Variants in ZFPM2 observed in about 807,000 individuals in gnomAD.
ZFPM2 encodes zinc finger protein ZFPM2.
In ZFPM2, 20 loss-of-function variants were observed where a neutral mutation model predicts 98.6. The observed-to-expected ratio is 0.20, with a 90% CI of 0.14 to 0.29. The LOEUF is 0.29. ZFPM2 is among the 10% of genes least tolerant of loss of function. ZFPM2 has a pLI of 1.00. For missense variants in ZFPM2, 1,310 were observed against 1,388.6 expected, an observed-to-expected ratio of 0.94 and a Z score of 0.90; for synonymous variants, 518 against 502.7, an observed-to-expected ratio of 1.03 and a Z score of -0.41.
chr8:105,756,877 G>A (rs187444596), intron 5 of ZFPM2, among the ~76,000 whole-genome samples: 3 of 152,242 alleles, frequency 2.0e-5, no homozygotes, highest in East Asian at 1.9e-4. Context: ...GACAGATGTC[G>A]GGTGCAGATG....
At chr8:105,471,559 T>C (rs530951394) in intron 3 of ZFPM2, among the ~76,000 whole-genome samples, 31 of 152,306 alleles carry the variant, frequency 2.0e-4, no homozygotes, top group African/African-American at 7.0e-4. Flanking sequence ...AGTCTGATCA[T>C]CAGAATGTAG....
chr8:105,388,904 C>T (rs1586336576), intron 1 of ZFPM2, among the ~76,000 whole-genome samples: 1 of 152,058 alleles, frequency 6.6e-6, no homozygotes, highest in East Asian at 1.9e-4. Context: ...CACTGATACA[C>T]TGTAGCAATA....
chr8:105,386,518 G>T (rs1810993094), intron 1 of ZFPM2, among the ~76,000 whole-genome samples: 1 of 152,070 alleles, frequency 6.6e-6, no homozygotes, highest in Admixed American at 6.5e-5. Flanking sequence ...GATGTGTTCA[G>T]CCTTCTGGTG....
chr8:105,413,847 A>C (rs1484782675), intron 1 of ZFPM2, among the ~76,000 whole-genome samples: 1 of 152,110 alleles, frequency 6.6e-6, no homozygotes, highest in Admixed American at 6.6e-5. Flanking sequence ...ATCTGATATT[A>C]AAATGATCCA....
chr8:105,761,971 G>A (rs955543982), intron 5 of ZFPM2, among the ~76,000 whole-genome samples: 7 of 151,868 alleles, frequency 4.6e-5, no homozygotes, highest in East Asian at 1.9e-4. Flanking sequence ...ATCAATAAAA[G>A]TTGCAGATTC....
At chr8:105,714,267 G>T (rs1811467665) in intron 5 of ZFPM2, among the ~76,000 whole-genome samples, 1 of 151,994 alleles carries the variant, frequency 6.6e-6, no homozygotes, top group Non-Finnish European at 1.5e-5. Context: ...CTCTCAGCTT[G>T]AACCTCATTG....
chr8:105,436,792 C>A (rs1812127944), intron 2 of ZFPM2, among the ~76,000 whole-genome samples: 1 of 152,118 alleles, frequency 6.6e-6, no homozygotes, highest in African/African-American at 2.4e-5. Context: ...TAATACATGG[C>A]AGATCTGTTG....
At chr8:105,482,960 C>T (rs1456495075) in intron 3 of ZFPM2, among the ~76,000 whole-genome samples, 1 of 119,376 alleles carries the variant, frequency 8.4e-6, no homozygotes, top group Non-Finnish European at 1.7e-5. Flanking sequence ...TTCCCTCCCT[C>T]CCTTATCTCC....
At chr8:105,728,564 A>T (rs952060873) in intron 5 of ZFPM2, among the ~76,000 whole-genome samples, 4 of 151,758 alleles carry the variant, frequency 2.6e-5, no homozygotes, top group African/African-American at 9.7e-5. Flanking sequence ...GGTCAAAGCG[A>T]ATACCCTGGA....
intron 1 of ZFPM2, among the ~76,000 whole-genome samples, chr8:105,373,547 G>C (rs887489646): frequency 1.3e-5 from 2 of 152,238 alleles, no homozygotes; most frequent in African/African-American, 4.8e-5. Context: ...TATGTAGGCA[G>C]AGTAAAAGAA....
At chr8:105,747,737 C>T (rs1812381440) in intron 5 of ZFPM2, among the ~76,000 whole-genome samples, 1 of 152,040 alleles carries the variant, frequency 6.6e-6, no homozygotes, top group Non-Finnish European at 1.5e-5. Context: ...ATGTAAATGT[C>T]TCTGTTAAAT....
At chr8:105,693,943 A>G (rs886198356) in intron 5 of ZFPM2, among the ~76,000 whole-genome samples, 3 of 143,642 alleles carry the variant, frequency 2.1e-5, no homozygotes, top group African/African-American at 7.9e-5. Flanking sequence ...AATATACAAT[A>G]TATTATCCAA....
intron 1 of ZFPM2, among the ~76,000 whole-genome samples, chr8:105,418,170 C>T (rs1234187584): frequency 3.3e-5 from 5 of 152,118 alleles, no homozygotes; most frequent in African/African-American, 1.2e-4. Context: ...GAGAGGCTGC[C>T]TGAGCTTTGA....
intron 1 of ZFPM2, among the ~76,000 whole-genome samples, chr8:105,379,753 CAAAAA>C (rs5893740): frequency 8.0e-6 from 1 of 125,698 alleles, no homozygotes; most frequent in Admixed American, 8.0e-5. Flanking sequence ...AACTCTGTCT[CAAAAA>C]AAAAAAAAAA....
At chr8:105,413,000 C>T (rs940268518) in intron 1 of ZFPM2, among the ~76,000 whole-genome samples, 3 of 151,846 alleles carry the variant, frequency 2.0e-5, no homozygotes, top group African/African-American at 7.3e-5. Context: ...AACGTTCCTA[C>T]TGCATAATTA....
intron 1 of ZFPM2, among the ~76,000 whole-genome samples, chr8:105,351,863 C>T (rs553011796): frequency 9.9e-5 from 15 of 151,738 alleles, no homozygotes; most frequent in Admixed American, 2.6e-4. Flanking sequence ...GCAAAACTTT[C>T]GATATTTAAT....
chr8:105,404,690 T>C (rs1757492778), intron 1 of ZFPM2, among the ~76,000 whole-genome samples: 1 of 152,092 alleles, frequency 6.6e-6, no homozygotes, highest in Non-Finnish European at 1.5e-5. Context: ...TTGAACTTTA[T>C]TCTCCACTTC....
intron 5 of ZFPM2, among the ~76,000 whole-genome samples, chr8:105,680,007 A>G (rs1810565579): frequency 6.6e-6 from 1 of 152,128 alleles, no homozygotes; most frequent in Admixed American, 6.5e-5. Context: ...TACATATAAT[A>G]TTTGATTTGT....
At chr8:105,443,210 G>A (rs1215929099) in intron 2 of ZFPM2, among the ~76,000 whole-genome samples, 1 of 151,640 alleles carries the variant, frequency 6.6e-6, no homozygotes, top group African/African-American at 2.4e-5. Flanking sequence ...TTGGGAGGCT[G>A]AGGCAGGAGA....
Sources: gnomAD v4.1 joint callset for allele counts (sites outside exome capture counted in the v4.1 genomes callset) on GRCh38, gnomAD v4.1.1 for gene constraint, MANE v1.5 for transcripts, NCBI Gene and HGNC (gene_info 2026-07-23, HGNC 2026-07-21) for gene names.